The following CEACAM1 variants were observed in gnomAD, a reference collection of about 807,000 sequenced individuals.
CEACAM1 encodes CEA cell adhesion molecule 1, also known as cell adhesion molecule CEACAM1.
A neutral mutation model predicts 49.1 loss-of-function variants in CEACAM1; 31 were observed. The ratio of observed to expected loss-of-function variants is 0.63; its 90% CI spans 0.47 to 0.85. CEACAM1 has a LOEUF of 0.85. CEACAM1 is among the 40% of genes least tolerant of loss of function. The pLI is 0.00. For synonymous variants in CEACAM1, 244 were observed against 247.8 expected, an observed-to-expected ratio of 0.98 and a Z score of 0.14; for missense variants, 570 against 645.3, an observed-to-expected ratio of 0.88 and a Z score of 1.26.
intron 8 of CEACAM1, 74 bp from the exon 9 acceptor site, chr19:42,509,302 C>T (rs2041397611): frequency 1.3e-6 from 2 of 1,511,578 alleles, no homozygotes; most frequent in Non-Finnish European, 1.8e-6. Context: ...TGTGATTCAG[C>T]ACCACAAGCT....
chr19:42,515,694 C>T (rs1015881684), intron 5 of CEACAM1, among the ~76,000 whole-genome samples: 2 of 151,944 alleles, frequency 1.3e-5, no homozygotes, highest in Admixed American at 6.6e-5. Flanking sequence ...CAAAAAAGAT[C>T]ACTATAATTG....
At chr19:42,516,347 A>C (rs768794553) in intron 5 of CEACAM1, among the ~76,000 whole-genome samples, 1 of 152,240 alleles carries the variant, frequency 6.6e-6, no homozygotes, top group African/African-American at 2.4e-5. Context: ...TGCAAAAATC[A>C]GTTGTATTTT....
In CEACAM1 at chr19:42,513,915, T is replaced by TATAAATAAATAA. The variant is rs1555798810; in HGVS notation, c.1247-1437_1247-1436insTTATTTATTTAT. 1.2e-3 allele frequency among the ~76,000 whole-genome samples: 152 copies of TATAAATAAATAA among 129,806 alleles called. 5 individuals are homozygous for TATAAATAAATAA. Among genetic ancestry groups the TATAAATAAATAA allele is most frequent in the African/African-American group, 5.3e-3 (144 of 27,204 alleles). The allele number at this position is 129,806 out of a possible 152,430, so 85.2% of individuals were successfully genotyped here. On this transcript the variant is annotated intron_variant, in intron 5 of 8. Transcript: ENST00000161559. ...CTCCATATATATATATATATATATA[T>TATAAATAAATAA]ATAATATATAAATAATACCTTTTGC...
In CEACAM1 at chr19:42,511,646, A is replaced by G; in HGVS notation, c.1377-18T>C. ...CGCTTGCCCTAAATAAATATCAGAA[A>G]CTGTGACTGCTATTCCCAAGCACAG... On this transcript the variant is annotated intron_variant, in intron 6 of 8. Coordinates refer to ENST00000161559, the MANE Select transcript of CEACAM1 (RefSeq NM_001712.5). The G allele has an allele frequency of 3.7e-6, 6 of 1,612,556 alleles. No homozygotes were observed. The South Asian group carries it at 6.6e-5, about 18-fold the overall frequency.
chr19:42,518,037 T>C (rs1043111705), intron 5 of CEACAM1, among the ~76,000 whole-genome samples: 2 of 152,206 alleles, frequency 1.3e-5, no homozygotes, highest in Non-Finnish European at 2.9e-5. Flanking sequence ...TTCTACAACA[T>C]AGATGGAGCT....
At chr19:42,516,506 T>C (rs1372427991) in intron 5 of CEACAM1, among the ~76,000 whole-genome samples, 1 of 152,076 alleles carries the variant, frequency 6.6e-6, no homozygotes, top group East Asian at 1.9e-4. Context: ...AAATAAGACA[T>C]AAATTGAAAA....
rs1341404448 is a variant in CEACAM1, at chr19:42,508,726, C to T, written c.*383G>A. The T allele has an allele frequency of 5.2e-6, 1 of 191,756 alleles. No homozygotes were observed. Among genetic ancestry groups the T allele is most frequent in the Non-Finnish European group, 1.1e-5 (1 of 92,150 alleles). The allele number at this position is 191,756 out of a possible 1,614,324, so 11.9% of individuals were successfully genotyped here. A position where few individuals can be genotyped will look rare whatever the true frequency, so the allele number is the denominator to read the frequency against. ...AATGGAAAAGGACATAACCTCAAGGCTATGGCAAATCCGAATTAGAGTGAT... is the reference window on the plus strand; with the variant it reads ...AATGGAAAAGGACATAACCTCAAGGTTATGGCAAATCCGAATTAGAGTGAT... On this transcript the variant is annotated 3_prime_UTR_variant, in exon 9 of 9. Transcript: ENST00000161559.
intron 5 of CEACAM1, among the ~76,000 whole-genome samples, chr19:42,512,864 C>T (rs1477141554): frequency 6.6e-6 from 1 of 152,046 alleles, no homozygotes; most frequent in African/African-American, 2.4e-5. Context: ...GACGGGGTTT[C>T]ACCATATTGG....
chr19:42,512,519 A>T (rs1164065137), intron 5 of CEACAM1, 40 bp from the exon 6 acceptor site: 2 of 1,588,588 alleles, frequency 1.3e-6, no homozygotes, highest in Non-Finnish European at 1.7e-6. Flanking sequence ...TGAAAGTGAA[A>T]TTATTTTACA....
rs201542185 is a variant in CEACAM1, at chr19:42,527,001, C to T, written c.424+40G>A. 2.6e-5 allele frequency: 41 copies of T among 1,574,512 alleles called. No individual in the cohort carries two copies. The Middle Eastern group carries it at 5.1e-4, about 20-fold the overall frequency. The stretch of plus-strand genomic sequence containing the variant: ...ACAATCCCATGTGTGGGAAGTAGAA[C>T]TAACCCCCCAACACCCAGAGGTCAT... On this transcript the variant is annotated intron_variant, in intron 2 of 8. Transcript: ENST00000161559.
Position 42,512,352 on chromosome 19 carries a change from G to T in CEACAM1, c.1374C>A (p.Gly458=). The T allele has an allele frequency of 6.2e-7, 1 of 1,614,038 alleles. No individual in the cohort carries two copies. The highest frequency in any genetic ancestry group is 8.5e-7 in the Non-Finnish European group (1 of 1,179,908). The change falls in exon 6 of 9, where the codon GGC becomes GGA. Residue 458 remains glycine (G), a splice_region_variant and synonymous_variant. Transcript: ENST00000161559. The part of the protein sequence containing the change: ...LACFLHFGKT[G]RASDQRDLTE... ...AACAAGAGGAAAGGCCATCATACCT[G>T]CCGGTCTTCCCGAAATGCAGAAAAC...
At chr19:42,511,297 G>T in intron 7 of CEACAM1, 1 of 575,208 alleles carries the variant, frequency 1.7e-6, no homozygotes, top group Non-Finnish European at 3.1e-6. Context: ...GGCAGGAGGC[G>T]GAAGGAGTAA....
At chr19:42,527,519 GT>G in intron 1 of CEACAM1, 119 bp from the exon 2 acceptor site, 4 of 1,187,584 alleles carry the variant, frequency 3.4e-6, no homozygotes, top group Non-Finnish European at 4.7e-6. Context: ...GTGTGTGTGT[GT>G]GTGTGTGTGT....
chr19:42,526,780 G>C (rs1483511919), intron 2 of CEACAM1, among the ~76,000 whole-genome samples: 1 of 152,166 alleles, frequency 6.6e-6, no homozygotes, highest in Non-Finnish European at 1.5e-5. Context: ...CGGGGGGCTA[G>C]ATTGAGACTG....
intron 2 of CEACAM1, among the ~76,000 whole-genome samples, chr19:42,523,515 C>T (rs924292913): frequency 2.0e-4 from 31 of 152,176 alleles, no homozygotes; most frequent in African/African-American, 7.2e-4. Flanking sequence ...CGTTCCTTGT[C>T]TTTGGTCTTT....
chr19:42,519,396 A>G, intron 4 of CEACAM1, 161 bp from the exon 5 acceptor site: 2 of 657,252 alleles, frequency 3.0e-6, no homozygotes, highest in Non-Finnish European at 5.3e-6. Context: ...CCTCTGCAGA[A>G]GGTCGAGTGT....
At position 42,521,332 on chromosome 19, in the gene CEACAM1, G is replaced by T. The variant is rs1455915670; in HGVS notation, c.893C>A (p.Thr298Asn). 2 of 1,614,206 alleles carry T rather than the reference G, an allele frequency of 1.2e-6. No homozygotes were observed. The highest frequency in any genetic ancestry group is 1.1e-5 in the South Asian group (1 of 91,084). ...NITVNNSGSY[T>N]CHANNSVTGC... ...AGTGACTGAGTTATTGGCGTGGCAG[G>T]TATAGGATCCACTATTATTCACAGT... Residue 298 changes from threonine to asparagine, a missense_variant, in exon 4 of 9, where the codon ACC becomes AAC. Transcript: ENST00000161559.
chr19:42,519,060 G>A lies in CEACAM1; in HGVS notation c.1134C>T (p.Asn378=). ...SSERMKLSQG[N]TTLSINPVKR... Reference sequence around the variant, plus strand: ...TGACAGGGTTTATGCTGAGGGTGGTGTTGCCCTGGGACAGCTTCATCCTCT... The same window carrying A: ...TGACAGGGTTTATGCTGAGGGTGGTATTGCCCTGGGACAGCTTCATCCTCT... Residue 378 remains asparagine (N), a synonymous_variant, in exon 5 of 9, where the codon AAC becomes AAT. Coordinates refer to ENST00000161559, the MANE Select transcript of CEACAM1 (RefSeq NM_001712.5). The A allele has an allele frequency of 6.2e-7, 1 of 1,614,184 alleles. No individual in the cohort carries two copies. The highest frequency in any genetic ancestry group is 8.5e-7 in the Non-Finnish European group (1 of 1,180,038).
chr19:42,528,159 C>G, intron 1 of CEACAM1, 152 bp downstream of exon 1: 1 of 583,160 alleles, frequency 1.7e-6, no homozygotes. Context: ...TGAGACTTTC[C>G]TTTTATGATC....
Sources: gnomAD v4.1 joint callset for allele counts (sites outside exome capture counted in the v4.1 genomes callset) on GRCh38, gnomAD v4.1.1 for gene constraint, MANE v1.5 for transcripts, NCBI Gene and HGNC (gene_info 2026-07-23, HGNC 2026-07-21) for gene names.